The following SPMIP7 variants were observed in gnomAD, a reference collection of about 807,000 sequenced individuals.
The protein encoded by SPMIP7 is sperm microtubule inner protein 7.
the SPMIP7 span, among the ~76,000 whole-genome samples, chr7:50,106,363 G>A: frequency 1.3e-5 from 2 of 152,278 alleles, no homozygotes; most frequent in South Asian, 2.1e-4. Flanking sequence ...ACCTATGACT[G>A]TGGGCTGAAT....
chr7:50,133,403 G>A, the SPMIP7 span, among the ~76,000 whole-genome samples: 1 of 152,132 alleles, frequency 6.6e-6, no homozygotes, highest in East Asian at 1.9e-4. Flanking sequence ...TCCTGACTTT[G>A]ACCAATAGCT....
the SPMIP7 span, chr7:50,129,864 A>G: frequency 3.3e-6 from 3 of 917,886 alleles, no homozygotes; most frequent in Non-Finnish European, 5.2e-6. Context: ...CATCCTCTTT[A>G]TGTCTATAAT....
chr7:50,129,859 T>A, the SPMIP7 span: 7 of 970,764 alleles, frequency 7.2e-6, no homozygotes, highest in Admixed American at 1.3e-4. Flanking sequence ...TGACACATCC[T>A]CTTTATGTCT....
At chr7:50,124,075 AG>A in the SPMIP7 span, among the ~76,000 whole-genome samples, 1 of 152,190 alleles carries the variant, frequency 6.6e-6, no homozygotes, top group Non-Finnish European at 1.5e-5. Context: ...AAATATAAAT[AG>A]GCTGTAGTGG....
the SPMIP7 span, among the ~76,000 whole-genome samples, chr7:50,114,584 T>A: frequency 6.6e-6 from 1 of 151,986 alleles, no homozygotes; most frequent in East Asian, 1.9e-4. Flanking sequence ...ATTAAAAAAA[T>A]TCTTAACTAA....
At chr7:50,100,499 C>T in the SPMIP7 span, among the ~76,000 whole-genome samples, 1 of 152,156 alleles carries the variant, frequency 6.6e-6, no homozygotes, top group Non-Finnish European at 1.5e-5. Context: ...GGTCATTCCC[C>T]ATAAATTTTG....
the SPMIP7 span, among the ~76,000 whole-genome samples, chr7:50,125,403 T>TACACAC: frequency 2.0e-5 from 3 of 147,596 alleles, no homozygotes; most frequent in Admixed American, 6.8e-5. Context: ...TATATACATA[T>TACACAC]ATATATAAAG....
the SPMIP7 span, chr7:50,142,478 GAA>G: frequency 1.3e-5 from 2 of 152,206 alleles, no homozygotes; most frequent in Non-Finnish European, 2.9e-5. Context: ...TAAAAGAATT[GAA>G]GATATTAACT....
chr7:50,138,753 C>T, the SPMIP7 span, among the ~76,000 whole-genome samples: 7 of 138,032 alleles, frequency 5.1e-5, no homozygotes, highest in Admixed American at 4.7e-4. Flanking sequence ...ATAAAGTGAC[C>T]TTTAAATGGG....
the SPMIP7 span, among the ~76,000 whole-genome samples, chr7:50,129,502 C>G: frequency 8.6e-5 from 13 of 151,884 alleles, no homozygotes; most frequent in African/African-American, 2.7e-4. Context: ...CTTTAATATA[C>G]ATTTTGTGAA....
chr7:50,147,814 G>T, the SPMIP7 span, among the ~76,000 whole-genome samples: 2 of 152,148 alleles, frequency 1.3e-5, no homozygotes. Flanking sequence ...CAAAATCCTG[G>T]CTTATTTGGA....
At chr7:50,123,818 G>A in the SPMIP7 span, among the ~76,000 whole-genome samples, 5 of 151,852 alleles carry the variant, frequency 3.3e-5, no homozygotes, top group Admixed American at 3.3e-4. Flanking sequence ...AAAAGGAACA[G>A]AGAAATAGAA....
the SPMIP7 span, among the ~76,000 whole-genome samples, chr7:50,110,675 C>T: frequency 7.5e-6 from 1 of 132,544 alleles, no homozygotes. Context: ...TCACATATAT[C>T]ATATAATACA....
At chr7:50,158,403 G>A in the SPMIP7 span, among the ~76,000 whole-genome samples, 6 of 147,722 alleles carry the variant, frequency 4.1e-5, no homozygotes, top group African/African-American at 1.0e-4. Context: ...AGGTCTCTGG[G>A]TGACCCACCC....
At chr7:50,110,925 A>G in the SPMIP7 span, among the ~76,000 whole-genome samples, 1 of 139,248 alleles carries the variant, frequency 7.2e-6, no homozygotes, top group South Asian at 2.1e-4. Flanking sequence ...GCATAAGCTA[A>G]TATATAATAT....
At chr7:50,125,960 T>C in the SPMIP7 span, among the ~76,000 whole-genome samples, 4 of 152,062 alleles carry the variant, frequency 2.6e-5, no homozygotes, top group African/African-American at 9.7e-5. Context: ...AGAAAGATTT[T>C]TGGCATCCTC....
chr7:50,107,101 G>A, the SPMIP7 span, among the ~76,000 whole-genome samples: 3 of 151,814 alleles, frequency 2.0e-5, no homozygotes, highest in African/African-American at 7.3e-5. Context: ...TCCAGGTGGG[G>A]TGGCACATGT....
At chr7:50,124,376 A>G in the SPMIP7 span, among the ~76,000 whole-genome samples, 1 of 152,206 alleles carries the variant, frequency 6.6e-6, no homozygotes, top group Non-Finnish European at 1.5e-5. Flanking sequence ...CAATACATCA[A>G]TCACCTTCAG....
chr7:50,124,615 C>G, the SPMIP7 span, among the ~76,000 whole-genome samples: 2 of 152,094 alleles, frequency 1.3e-5, no homozygotes, highest in Non-Finnish European at 2.9e-5. Flanking sequence ...AAATTAAACA[C>G]ACTTCTAAAT....
Sources: allele counts gnomAD v4.1 joint callset (sites outside exome capture counted in the v4.1 genomes callset), GRCh38; gene constraint gnomAD v4.1.1; transcripts MANE v1.5; gene names NCBI Gene and HGNC (gene_info 2026-07-23, HGNC 2026-07-21).